UBA6: variants seen among roughly 807,000 people sequenced by gnomAD.
UBA6 encodes the protein ubiquitin-like modifier-activating enzyme 6.
A neutral mutation model predicts 148.3 loss-of-function variants in UBA6; 87 were observed. The ratio of observed to expected loss-of-function variants is 0.59; its 90% confidence interval spans 0.49 to 0.70. The LOEUF is 0.70. UBA6 is among the 30% of genes least tolerant of loss of function. The pLI, the probability that UBA6 is intolerant of heterozygous loss-of-function variation, is 0.00. For missense variants in UBA6, 1,186 were observed against 1,241.2 expected (o/e 0.96, Z 0.67); for synonymous variants, 376 against 401.0 (o/e 0.94, Z 0.75).
intron 13 of UBA6, among the ~76,000 whole-genome samples, chr4:67,659,339 C>A (rs1729782145): frequency 1.3e-5 from 2 of 152,160 alleles, no homozygotes; most frequent in South Asian, 2.1e-4. Context: ...ATAATCACCA[C>A]ATGTCAAGGT....
chr4:67,699,343 T>C (rs1475019927), intron 1 of UBA6, among the ~76,000 whole-genome samples: 3 of 152,226 alleles, frequency 2.0e-5, no homozygotes, highest in Non-Finnish European at 4.4e-5. Flanking sequence ...AGTCCTAGCA[T>C]TGATAAATAA....
chr4:67,688,960 T>C (rs1444796644), intron 2 of UBA6, among the ~76,000 whole-genome samples: 1 of 152,090 alleles, frequency 6.6e-6, no homozygotes, highest in African/African-American at 2.4e-5. Context: ...ATTTACTAGA[T>C]TTCAATTACA....
intron 27 of UBA6, among the ~76,000 whole-genome samples, chr4:67,627,722 G>A (rs1728902977): frequency 1.3e-5 from 2 of 150,192 alleles, no homozygotes; most frequent in Admixed American, 1.3e-4. Context: ...TAAAAACGCA[G>A]AACGAAAGAC....
rs539492812 is a variant in UBA6, at chr4:67,618,106, G to A, written c.*891C>T. On this transcript the variant is annotated 3_prime_UTR_variant, in exon 33 of 33. Coordinates refer to ENST00000322244, the MANE Select transcript of UBA6 (RefSeq NM_018227.6). The stretch of plus-strand genomic sequence containing the variant: ...TCTGGAAAAAAAAAAGACTACCCTA[G>A]CAATAATTTTTAACATTCTACATTT... The A allele has an allele frequency of 6.9e-6, 1 of 145,160 alleles. No individual in the cohort carries two copies. The highest frequency in any genetic ancestry group is 1.5e-5 in the Non-Finnish European group (1 of 66,798). 9.0% of individuals were successfully genotyped at this position (145,160 alleles called of 1,614,324 possible). A position where few individuals can be genotyped will look rare whatever the true frequency, so the allele number is the denominator to read the frequency against.
chr4:67,678,122 T>C (rs1253194848), intron 5 of UBA6, among the ~76,000 whole-genome samples: 1 of 146,734 alleles, frequency 6.8e-6, no homozygotes, highest in African/African-American at 2.5e-5. Context: ...ATATATTATA[T>C]AATACATATT....
At chr4:67,649,969 CAG>C (rs1729514122) in intron 13 of UBA6, among the ~76,000 whole-genome samples, 3 of 152,054 alleles carry the variant, frequency 2.0e-5, no homozygotes, top group Admixed American at 2.0e-4. Flanking sequence ...GAGGAGAGGA[CAG>C]AGAAGAGTTT....
chr4:67,622,260 C>T (rs190760096), intron 32 of UBA6, among the ~76,000 whole-genome samples: 19 of 152,284 alleles, frequency 1.2e-4, no homozygotes, highest in South Asian at 1.0e-3. Flanking sequence ...ACAGGTGAGA[C>T]TATGATAGGC....
chr4:67,622,866 A>T lies in UBA6; in HGVS notation c.2988T>A (p.Pro996=). 6.2e-7 allele frequency: 1 copy of T among 1,613,222 alleles called. No homozygotes were observed. The highest frequency in any genetic ancestry group is 8.5e-7 in the Non-Finnish European group (1 of 1,179,582). The change falls in exon 32 of 33, where the codon CCT becomes CCA. Residue 996 remains proline, a synonymous_variant. Coordinates refer to ENST00000322244, the MANE Select transcript of UBA6 (RefSeq NM_018227.6). ...ATCTTTTTGCATGACCAGGCATTAC[A>T]GGAACATAAAGCATTTTGACTCCCT... The part of the protein sequence containing the change: ...VVQGVKMLYV[P]VMPGHAKRLK...
intron 13 of UBA6, among the ~76,000 whole-genome samples, chr4:67,659,556 T>C (rs373474476): frequency 3.9e-5 from 6 of 152,156 alleles, no homozygotes; most frequent in African/African-American, 1.2e-4. Flanking sequence ...TCCCCAGTCA[T>C]GTGAAACTGT....
At chr4:67,620,768 C>T (rs1428509351) in intron 32 of UBA6, among the ~76,000 whole-genome samples, 1 of 152,168 alleles carries the variant, frequency 6.6e-6, no homozygotes, top group Non-Finnish European at 1.5e-5. Flanking sequence ...TTAGCCCTTA[C>T]TATTATTTCA....
Position 67,645,495 on chromosome 4 carries a change from A to C in UBA6, c.1395+443T>G, listed in dbSNP as rs1489657202. Among the ~76,000 whole-genome samples the C allele has an allele frequency of 2.0e-5, 3 of 152,096 alleles. No homozygotes were observed. The South Asian group carries it at 6.2e-4, about 32-fold the overall frequency. ...GCCCCTGTAGTCCCAGCTACTCGGG[A>C]GGCTGAGGCAAGAGAATCACTTGAA... On this transcript the variant is annotated intron_variant, in intron 16 of 32. Coordinates refer to ENST00000322244, the MANE Select transcript of UBA6 (RefSeq NM_018227.6).
At chr4:67,684,673 G>A (rs1305163473) in intron 2 of UBA6, among the ~76,000 whole-genome samples, 1 of 152,104 alleles carries the variant, frequency 6.6e-6, no homozygotes, top group African/African-American at 2.4e-5. Flanking sequence ...TAATAATCAT[G>A]TTGATGAAAT....
chr4:67,622,256 G>T (rs1466188166), intron 32 of UBA6, among the ~76,000 whole-genome samples: 1 of 152,192 alleles, frequency 6.6e-6, no homozygotes, highest in African/African-American at 2.4e-5. Flanking sequence ...CTTAACAGGT[G>T]AGACTATGAT....
At chr4:67,675,080 G>A (rs752965827) in intron 6 of UBA6, among the ~76,000 whole-genome samples, 4 of 152,218 alleles carry the variant, frequency 2.6e-5, no homozygotes, top group South Asian at 2.1e-4. Flanking sequence ...ATGCTGGCCA[G>A]GCTGGTCTCG....
chr4:67,664,372 T>A lies in UBA6; in HGVS notation c.898-425A>T, dbSNP rs1729938184. Among the ~76,000 whole-genome samples, 3 of 151,676 alleles carry A rather than the reference T, an allele frequency of 2.0e-5. No homozygotes were observed. The South Asian group carries it at 6.2e-4, about 31-fold the overall frequency. On this transcript the variant is annotated intron_variant, in intron 10 of 32. Coordinates refer to ENST00000322244, the MANE Select transcript of UBA6 (RefSeq NM_018227.6). ...AATCTAAAATTGAGACATATCCAAT[T>A]AAAAATTGGAGACAAAACATAAGGA...
intron 20 of UBA6, 51 bp downstream of exon 20, chr4:67,635,402 A>T: frequency 8.4e-7 from 1 of 1,189,506 alleles, no homozygotes; most frequent in Middle Eastern, 2.0e-4. Flanking sequence ...ATTAAGACAA[A>T]AATTACAAGA....
At chr4:67,641,302 T>A in intron 17 of UBA6, 74 bp from the exon 18 acceptor site, 1 of 907,782 alleles carries the variant, frequency 1.1e-6, no homozygotes, top group Non-Finnish European at 1.7e-6. Context: ...TCAGTATGAC[T>A]AAAAAAGTCC....
chr4:67,696,725 G>T lies in UBA6; in HGVS notation c.72-18C>A. The stretch of plus-strand genomic sequence containing the variant: ...TATTTGTGCTGGAAAAAAAAACATG[G>T]TTATTAAATATTCACATTTTATAAT... On this transcript the variant is annotated intron_variant, in intron 1 of 32. Coordinates refer to ENST00000322244, the MANE Select transcript of UBA6 (RefSeq NM_018227.6). The T allele has an allele frequency of 6.3e-7, 1 of 1,583,498 alleles. No homozygotes were observed. The highest frequency in any genetic ancestry group is 8.6e-7 in the Non-Finnish European group (1 of 1,158,470).
At chr4:67,696,755 T>C in intron 1 of UBA6, 48 bp from the exon 2 acceptor site, 1 of 1,471,150 alleles carries the variant, frequency 6.8e-7, no homozygotes, top group Non-Finnish European at 9.4e-7. Flanking sequence ...TATAATGTAA[T>C]ATTTGATTAC....
Sources: gnomAD v4.1 joint callset for allele counts (sites outside exome capture counted in the v4.1 genomes callset) on GRCh38, gnomAD v4.1.1 for gene constraint, MANE v1.5 for transcripts, NCBI Gene and HGNC (gene_info 2026-07-23, HGNC 2026-07-21) for gene names.